The following SHLD1 variants were observed in gnomAD, a reference collection of about 807,000 sequenced individuals.
SHLD1 encodes the protein shieldin complex subunit 1.
A neutral mutation model predicts 5.5 loss-of-function variants in SHLD1; 3 were observed. That is an observed-to-expected ratio of 0.54 (90% CI 0.25 to 1.40). The LOEUF is 1.40. Among genes scored for constraint, SHLD1 ranks in the 40% most tolerant of loss-of-function variants. The pLI is 0.15. For synonymous variants in SHLD1, 92 were observed against 94.3 expected, an observed-to-expected ratio of 0.98 and a Z score of 0.14; for missense variants, 210 against 244.4, an observed-to-expected ratio of 0.86 and a Z score of 0.94.
chr20:5,772,068 G>A, intron 1 of SHLD1: 1 of 413,660 alleles, frequency 2.4e-6, no homozygotes, highest in South Asian at 1.7e-5. Flanking sequence ...TAGAGACAGG[G>A]TTTCACCATG....
chr20:5,850,112 C>CAGT (rs371790287), intron 2 of SHLD1, among the ~76,000 whole-genome samples: 2 of 130,246 alleles, frequency 1.5e-5, no homozygotes, highest in African/African-American at 2.8e-5. Context: ...GACCCCGTCT[C>CAGT]AATAATAATA....
chr20:5,752,034 G>A (rs1334679355), intron 1 of SHLD1, among the ~76,000 whole-genome samples: 2 of 152,148 alleles, frequency 1.3e-5, no homozygotes, highest in Non-Finnish European at 2.9e-5. Flanking sequence ...GAGTTGTGTG[G>A]TTCAAGGTCC....
intron 2 of SHLD1, among the ~76,000 whole-genome samples, chr20:5,784,608 G>A (rs1029561254): frequency 9.2e-5 from 14 of 151,650 alleles, no homozygotes; most frequent in African/African-American, 2.4e-4. Context: ...CCGCCACCAC[G>A]CCCGGCTAAT....
At chr20:5,757,414 A>G (rs151048485) in intron 1 of SHLD1, among the ~76,000 whole-genome samples, 2 of 151,954 alleles carry the variant, frequency 1.3e-5, no homozygotes, top group East Asian at 3.9e-4. Flanking sequence ...AACCTACTTG[A>G]TAAACTATGG....
rs73596836 is a variant in SHLD1, at chr20:5,823,137, C to G, written c.179-39887C>G. On this transcript the variant is annotated intron_variant, in intron 2 of 2. Transcript: ENST00000303142. ...CAGCGTTTTACACTGTTGATCCCCCCCTTCCCGGATACCTGTTCTTCCCTT... is the reference window on the plus strand; with the variant it reads ...CAGCGTTTTACACTGTTGATCCCCCGCTTCCCGGATACCTGTTCTTCCCTT... 7.2e-3 allele frequency among the ~76,000 whole-genome samples: 1,092 copies of G among 152,176 alleles called. 9 individuals are homozygous for G. Among genetic ancestry groups the G allele is most frequent in the African/African-American group, 0.025 (1,048 of 41,510 alleles).
chr20:5,852,766 A>G (rs891726163), intron 2 of SHLD1, among the ~76,000 whole-genome samples: 3 of 152,206 alleles, frequency 2.0e-5, no homozygotes, highest in African/African-American at 7.2e-5. Flanking sequence ...CACTTTCATT[A>G]GAGTGTGTAG....
chr20:5,758,083 G>T (rs927344203), intron 1 of SHLD1, among the ~76,000 whole-genome samples: 1 of 151,758 alleles, frequency 6.6e-6, no homozygotes, highest in Non-Finnish European at 1.5e-5. Flanking sequence ...ATTGAGAAGC[G>T]TTTCCTCCTC....
intron 2 of SHLD1, among the ~76,000 whole-genome samples, chr20:5,784,149 T>TA (rs11438574): frequency 0.5 from 69,914 of 140,164 alleles, 17,080 homozygotes; most frequent in Non-Finnish European, 0.51. Flanking sequence ...GAGACTGTCT[T>TA]AAAAAAAAAA....
chr20:5,826,906 T>TC (rs57312505), intron 2 of SHLD1, among the ~76,000 whole-genome samples: 11,789 of 149,036 alleles, frequency 0.079, 632 homozygotes, highest in East Asian at 0.2. Flanking sequence ...CTCCCTCATA[T>TC]CCCCCCCTTC....
chr20:5,755,256 G>A (rs182211223), intron 1 of SHLD1, among the ~76,000 whole-genome samples: 1 of 152,166 alleles, frequency 6.6e-6, no homozygotes, highest in African/African-American at 2.4e-5. Flanking sequence ...CCATGGACCA[G>A]CACCAGTCTG....
At chr20:5,840,525 G>A (rs936950500) in intron 2 of SHLD1, among the ~76,000 whole-genome samples, 2 of 152,286 alleles carry the variant, frequency 1.3e-5, no homozygotes, top group Admixed American at 6.5e-5. Context: ...GGAACTAGTC[G>A]CTGTAGTGAT....
intron 2 of SHLD1, among the ~76,000 whole-genome samples, chr20:5,809,263 A>G (rs1278404555): frequency 6.6e-6 from 1 of 152,158 alleles, no homozygotes; most frequent in Non-Finnish European, 1.5e-5. Flanking sequence ...TTTTAATTCC[A>G]TGAAACAAAT....
intron 2 of SHLD1, among the ~76,000 whole-genome samples, chr20:5,804,416 C>A (rs530182457): frequency 1.4e-3 from 207 of 148,930 alleles, no homozygotes; most frequent in African/African-American, 3.1e-3. Context: ...GAAAAAAAAA[C>A]CAAAAAACAA....
intron 2 of SHLD1, among the ~76,000 whole-genome samples, chr20:5,820,344 A>G (rs914809831): frequency 6.6e-6 from 1 of 152,244 alleles, no homozygotes; most frequent in Non-Finnish European, 1.5e-5. Context: ...CGGATACTCA[A>G]CGGATACAAA....
chr20:5,848,470 G>A (rs1194442575), intron 2 of SHLD1, among the ~76,000 whole-genome samples: 2 of 152,222 alleles, frequency 1.3e-5, no homozygotes, highest in East Asian at 3.8e-4. Context: ...AATGAGCCAA[G>A]ATTAATTTTT....
chr20:5,837,252 C>G (rs1363999030), intron 2 of SHLD1, among the ~76,000 whole-genome samples: 1 of 152,180 alleles, frequency 6.6e-6, no homozygotes, highest in Non-Finnish European at 1.5e-5. Context: ...ATTGGCCTCC[C>G]CTCCGCCCAC....
At chr20:5,758,951 G>GTTTT (rs903234621) in intron 1 of SHLD1, among the ~76,000 whole-genome samples, 10 of 127,198 alleles carry the variant, frequency 7.9e-5, no homozygotes, top group African/African-American at 1.2e-4. Flanking sequence ...TTCTTGACAA[G>GTTTT]TTTTTTTTTT....
At chr20:5,851,341 A>G (rs1330176879) in intron 2 of SHLD1, among the ~76,000 whole-genome samples, 1 of 152,140 alleles carries the variant, frequency 6.6e-6, no homozygotes, top group Non-Finnish European at 1.5e-5. Flanking sequence ...TTTAAATATT[A>G]GCTGGGCATC....
intron 2 of SHLD1, among the ~76,000 whole-genome samples, chr20:5,839,486 A>AGAT (rs2087829581): frequency 2.4e-4 from 36 of 149,892 alleles, no homozygotes; most frequent in African/African-American, 7.4e-4. Context: ...ATTAGATAGA[A>AGAT]AGATAGATAG....
Sources: allele counts gnomAD v4.1 joint callset (sites outside exome capture counted in the v4.1 genomes callset), GRCh38; gene constraint gnomAD v4.1.1; transcripts MANE v1.5; gene names NCBI Gene and HGNC (gene_info 2026-07-23, HGNC 2026-07-21).